Variants in CMYA5 observed in about 807,000 individuals in gnomAD.
CMYA5 encodes cardiomyopathy-associated protein 5.
Under a neutral mutation model 318.9 loss-of-function variants are expected in CMYA5, and 246 were observed. That is an observed-to-expected ratio of 0.77 (90% confidence interval 0.70 to 0.86). The LOEUF is 0.86. Ranked by LOEUF, CMYA5 falls within the 40% of genes least tolerant of loss-of-function variation. The pLI is 0.00. For missense variants in CMYA5, 4,589 were observed against 4,678.2 expected (o/e 0.98, Z 0.56); for synonymous variants, 1,641 against 1,729.5 (o/e 0.95, Z 1.27).
chr5:79,731,733 G>A lies in CMYA5; in HGVS notation c.2968G>A (p.Glu990Lys). 1 of 1,613,886 alleles carries A rather than the reference G, an allele frequency of 6.2e-7. No individual in the cohort carries two copies. Among genetic ancestry groups the A allele is most frequent in the East Asian group, 2.2e-5 (1 of 44,882 alleles). The change falls in exon 2 of 13, where the codon GAA becomes AAA. Residue 990 changes from glutamate (E) to lysine (K), a missense_variant. Physicochemically the swap from Glu to Lys is moderately conservative, Grantham distance 56. This residue lies in a region of CMYA5 where 2,132 missense variants were observed against 2,131.3 expected (regional missense o/e 1.00). Transcript: ENST00000446378. ...SPSEHTILSD[E>K]DTEEAELFSP... ...ATCTGAGCACACTATTTTGTCAGAT[G>A]AAGACACTGAAGAAGCGGAACTGTT...
chr5:79,709,884 C>T (rs1341667821), intron 1 of CMYA5, among the ~76,000 whole-genome samples: 1 of 140,460 alleles, frequency 7.1e-6, no homozygotes, highest in African/African-American at 2.7e-5. Flanking sequence ...TTGCTTGAAC[C>T]CGGGAGGCGG....
chr5:79,755,889 A>C (rs1828518660), intron 6 of CMYA5, among the ~76,000 whole-genome samples: 1 of 152,236 alleles, frequency 6.6e-6, no homozygotes, highest in African/African-American at 2.4e-5. Flanking sequence ...TGGATCAATT[A>C]ATCAGTTTTT....
At chr5:79,766,742 T>C (rs1353132829) in intron 9 of CMYA5, among the ~76,000 whole-genome samples, 3 of 152,242 alleles carry the variant, frequency 2.0e-5, no homozygotes, top group Non-Finnish European at 2.9e-5. Flanking sequence ...TCGATGTTCA[T>C]CAAGGATATT....
Position 79,739,296 on chromosome 5 carries a change from A to G in CMYA5, c.10531A>G (p.Thr3511Ala), listed in dbSNP as rs1476467506. ...QKELKKSQID[T>A]YCYTCKCPIS... ...AGAGCTGAAAAAGTCCCAGATTGAC[A>G]CATACTGTTACACCTGCAAATGTCC... The change falls in exon 2 of 13, where the codon ACA becomes GCA. Residue 3511 changes from threonine to alanine, a missense_variant. By Grantham distance (58) the Thr-to-Ala change is moderately conservative (BLOSUM62 0). Transcript: ENST00000446378. 1.2e-6 allele frequency: 2 copies of G among 1,603,176 alleles called. No homozygotes were observed. The highest frequency in any genetic ancestry group is 1.7e-6 in the Non-Finnish European group (2 of 1,174,834).
chr5:79,786,457 C>G (rs1694594873), intron 9 of CMYA5, among the ~76,000 whole-genome samples: 1 of 152,180 alleles, frequency 6.6e-6, no homozygotes. Context: ...GGTATAAAAT[C>G]CCTAAGCACC....
At chr5:79,725,799 G>A (rs1431059213) in intron 1 of CMYA5, among the ~76,000 whole-genome samples, 7 of 152,168 alleles carry the variant, frequency 4.6e-5, no homozygotes, top group Admixed American at 2.0e-4. Flanking sequence ...AGCTACTTCC[G>A]AGGCTGAGGC....
intron 9 of CMYA5, among the ~76,000 whole-genome samples, chr5:79,770,712 A>G (rs541191203): frequency 6.6e-6 from 1 of 152,108 alleles, no homozygotes; most frequent in African/African-American, 2.4e-5. Context: ...AGCTGTTCCT[A>G]TTCGGCCATC....
chr5:79,761,532 G>A (rs1036551690), intron 7 of CMYA5, among the ~76,000 whole-genome samples: 1 of 152,154 alleles, frequency 6.6e-6, no homozygotes, highest in African/African-American at 2.4e-5. Context: ...ACTGAAATAA[G>A]TTACTTTAAT....
chr5:79,734,293 C>T lies in CMYA5; in HGVS notation c.5528C>T (p.Ser1843Phe), dbSNP rs2151086509. 6.2e-7 allele frequency: 1 copy of T among 1,613,672 alleles called. No homozygotes were observed. The highest frequency in any genetic ancestry group is 1.1e-5 in the South Asian group (1 of 91,036). Residue 1843 changes from serine to phenylalanine, a missense_variant, in exon 2 of 13, where the codon TCT becomes TTT. This residue lies in a region of CMYA5 where 2,132 missense variants were observed against 2,131.3 expected (regional missense o/e 1.00). Transcript: ENST00000446378. ...TVKLPDVSTS[S>F]EDKQDLGIKQ... Reference sequence around the variant, plus strand: ...AAATTACCTGATGTAAGCACCTCTTCTGAAGATAAACAAGATCTGGGTATT... The same window carrying T: ...AAATTACCTGATGTAAGCACCTCTTTTGAAGATAAACAAGATCTGGGTATT...
intron 1 of CMYA5, among the ~76,000 whole-genome samples, chr5:79,713,234 G>A (rs1360309695): frequency 1.3e-5 from 2 of 152,076 alleles, no homozygotes; most frequent in Non-Finnish European, 2.9e-5. Flanking sequence ...TCTGGTGGAT[G>A]GGGGCCAGGG....
At chr5:79,776,755 G>A (rs760387466) in intron 9 of CMYA5, among the ~76,000 whole-genome samples, 9 of 152,166 alleles carry the variant, frequency 5.9e-5, no homozygotes, top group Non-Finnish European at 1.2e-4. Flanking sequence ...CTGTCAATGT[G>A]AATGTCAGTA....
intron 2 of CMYA5, among the ~76,000 whole-genome samples, chr5:79,742,915 A>C (rs867268281): frequency 3.3e-5 from 5 of 152,188 alleles, no homozygotes; most frequent in Admixed American, 6.5e-5. Context: ...TGCTTGGGTG[A>C]GCTTTAAATG....
intron 12 of CMYA5, among the ~76,000 whole-genome samples, chr5:79,797,428 A>G (rs1000712726): frequency 1.3e-5 from 2 of 152,238 alleles, no homozygotes; most frequent in African/African-American, 4.8e-5. Context: ...TTTAACAGAC[A>G]CAATTGCAGT....
Position 79,732,760 on chromosome 5 carries a change from C to T in CMYA5, c.3995C>T (p.Pro1332Leu). ...GVEKQVEHGPPALAFSALSEE... is the reference protein window; with the variant it reads ...GVEKQVEHGPLALAFSALSEE... ...GAAAAGCAAGTTGAACATGGTCCAC[C>T]TGCACTAGCATTTTCAGCTTTGTCA... The change falls in exon 2 of 13, where the codon CCT (proline) becomes CTT (leucine). Residue 1332 changes from proline (P) to leucine (L), a missense_variant. Physicochemically the swap from Pro to Leu is moderately conservative, Grantham distance 98. This residue lies in a region of CMYA5 where 2,132 missense variants were observed against 2,131.3 expected (regional missense o/e 1.00). Transcript: ENST00000446378. 1 of 1,613,738 alleles carries T rather than the reference C, an allele frequency of 6.2e-7. No homozygotes were observed. Among genetic ancestry groups the T allele is most frequent in the Non-Finnish European group, 8.5e-7 (1 of 1,179,806 alleles).
At chr5:79,716,964 A>G (rs1372916128) in intron 1 of CMYA5, among the ~76,000 whole-genome samples, 1 of 152,222 alleles carries the variant, frequency 6.6e-6, no homozygotes, top group Non-Finnish European at 1.5e-5. Context: ...ATCTTGCTGT[A>G]AAAGACCACA....
intron 1 of CMYA5, 130 bp from the exon 2 acceptor site, chr5:79,728,785 G>T (rs1482986207): frequency 4.6e-5 from 18 of 389,746 alleles, no homozygotes; most frequent in Admixed American, 3.9e-4. Flanking sequence ...TTTTGACATG[G>T]AAGGCAATAT....
intron 9 of CMYA5, among the ~76,000 whole-genome samples, chr5:79,775,094 C>G (rs1688808068): frequency 6.6e-6 from 1 of 152,142 alleles, no homozygotes; most frequent in Admixed American, 6.5e-5. Flanking sequence ...AAGCTAGTCA[C>G]CAATCTGTAT....
At chr5:79,703,436 T>C (rs1164527954) in intron 1 of CMYA5, among the ~76,000 whole-genome samples, 1 of 152,240 alleles carries the variant, frequency 6.6e-6, no homozygotes, top group Non-Finnish European at 1.5e-5. Context: ...ATGACCTGTC[T>C]TACACACCTT....
chr5:79,715,428 C>T (rs955593219), intron 1 of CMYA5, among the ~76,000 whole-genome samples: 6 of 152,134 alleles, frequency 3.9e-5, no homozygotes, highest in African/African-American at 7.2e-5. Context: ...GCTGGGACTA[C>T]AGGCGCCCGC....
Sources: gnomAD v4.1 joint callset for allele counts (sites outside exome capture counted in the v4.1 genomes callset) on GRCh38, gnomAD v4.1.1 for gene constraint, gnomAD v4.1.1 regional missense constraint, MANE v1.5 for transcripts, NCBI Gene and HGNC (gene_info 2026-07-23, HGNC 2026-07-21) for gene names.